The following STK32B variants were observed in gnomAD, a reference collection of about 807,000 sequenced individuals.
STK32B encodes serine/threonine-protein kinase 32B.
In STK32B, 43 loss-of-function variants were observed where a neutral mutation model predicts 52.6. The ratio of observed to expected loss-of-function variants is 0.82; its 90% CI spans 0.64 to 1.05. The LOEUF is 1.05. Ranked by LOEUF, STK32B falls within the 50% of genes least tolerant of loss-of-function variation. STK32B has a pLI of 0.00. For missense variants in STK32B, 621 were observed against 534.6 expected (o/e 1.16, Z -1.59); for synonymous variants, 238 against 204.3 (o/e 1.17, Z -1.41).
At chr4:5,417,834 T>A (rs1445112178) in intron 6 of STK32B, among the ~76,000 whole-genome samples, 1 of 152,226 alleles carries the variant, frequency 6.6e-6, no homozygotes, top group Non-Finnish European at 1.5e-5. Context: ...TTCCTCAGGT[T>A]TGGCTGGGCT....
At chr4:5,177,388 C>G (rs535589469) in intron 3 of STK32B, among the ~76,000 whole-genome samples, 1 of 152,258 alleles carries the variant, frequency 6.6e-6, no homozygotes, top group African/African-American at 2.4e-5. Flanking sequence ...TAATTGCCTC[C>G]CACTAGGTCC....
At chr4:5,361,501 A>G (rs1365228221) in intron 4 of STK32B, among the ~76,000 whole-genome samples, 1 of 152,178 alleles carries the variant, frequency 6.6e-6, no homozygotes, top group Non-Finnish European at 1.5e-5. Flanking sequence ...CATCCCAAGT[A>G]TCTGCGACCA....
intron 3 of STK32B, among the ~76,000 whole-genome samples, chr4:5,218,429 A>G (rs1007919843): frequency 6.6e-6 from 1 of 152,208 alleles, no homozygotes; most frequent in Non-Finnish European, 1.5e-5. Flanking sequence ...ATACATTGCA[A>G]TATATTTCAG....
chr4:5,461,607 C>A (rs1173138946), intron 9 of STK32B, among the ~76,000 whole-genome samples: 2 of 152,234 alleles, frequency 1.3e-5, no homozygotes, highest in Non-Finnish European at 1.5e-5. Flanking sequence ...CCGTCCTCTC[C>A]CTGTGAGCAG....
chr4:5,309,223 C>T (rs28829962), intron 3 of STK32B, among the ~76,000 whole-genome samples: 51 of 151,706 alleles, frequency 3.4e-4, no homozygotes, highest in African/African-American at 1.1e-3. Context: ...TATAAAACAG[C>T]GATGAAAGAA....
In STK32B at chr4:5,399,333, A is replaced by T. The variant is rs1488313484; in HGVS notation, c.472+1089A>T. Among the ~76,000 whole-genome samples the T allele has an allele frequency of 6.6e-6, 1 of 152,098 alleles. No individual in the cohort carries two copies. Among genetic ancestry groups the T allele is most frequent in the Non-Finnish European group, 1.5e-5 (1 of 68,020 alleles). Reference sequence around the variant, plus strand: ...TTCCCCACCTCTGCAGGCTGAGGTCATGGTTCTATCTCAGAGCTCCTCTCG... The same window carrying T: ...TTCCCCACCTCTGCAGGCTGAGGTCTTGGTTCTATCTCAGAGCTCCTCTCG... On this transcript the variant is annotated intron_variant, in intron 5 of 11. Transcript: ENST00000282908. This position sits in a 1 kb window ranked among gnomAD's most constrained non-coding sequence, Gnocchi z 5.4.
chr4:5,031,505 G>A, the STK32B span, among the ~76,000 whole-genome samples: 9 of 152,060 alleles, frequency 5.9e-5, no homozygotes, highest in South Asian at 2.1e-4. Context: ...AGGCTGAGGC[G>A]GGAGGATCAC....
intron 3 of STK32B, among the ~76,000 whole-genome samples, chr4:5,218,901 A>G (rs1723347437): frequency 6.6e-6 from 1 of 152,150 alleles, no homozygotes; most frequent in Non-Finnish European, 1.5e-5. Context: ...TTTGACTGCC[A>G]GGCCCCTACT....
intron 1 of STK32B, among the ~76,000 whole-genome samples, chr4:5,093,570 G>C (rs1431914460): frequency 2.0e-5 from 3 of 152,142 alleles, no homozygotes; most frequent in African/African-American, 2.4e-5. Context: ...TGTGAGGTGG[G>C]GGAAGGGGGG....
chr4:5,068,226 A>G (rs1330834928), intron 1 of STK32B, among the ~76,000 whole-genome samples: 1 of 152,150 alleles, frequency 6.6e-6, no homozygotes, highest in Non-Finnish European at 1.5e-5. Context: ...TGCACCAGTC[A>G]CTGAGGTAGC....
At chr4:5,180,595 G>A (rs1386827727) in intron 3 of STK32B, among the ~76,000 whole-genome samples, 1 of 152,054 alleles carries the variant, frequency 6.6e-6, no homozygotes, top group African/African-American at 2.4e-5. Context: ...CTTCTCTTTG[G>A]TGGCCTCTCT....
chr4:5,089,270 A>G (rs1194518184), intron 1 of STK32B, among the ~76,000 whole-genome samples: 2 of 151,354 alleles, frequency 1.3e-5, no homozygotes, highest in Non-Finnish European at 2.9e-5. Context: ...CAGGTTTGTC[A>G]CATACGTATA....
At chr4:5,020,608 A>G in the STK32B span, among the ~76,000 whole-genome samples, 2 of 152,180 alleles carry the variant, frequency 1.3e-5, no homozygotes, top group African/African-American at 4.8e-5. Context: ...ATGAGACTTC[A>G]GGCCCTGTCC....
At position 5,224,500 on chromosome 4, in the gene STK32B, A is replaced by G. The variant is rs533460364; in HGVS notation, c.260+56050A>G. Among the ~76,000 whole-genome samples the G allele has an allele frequency of 2.0e-5, 3 of 152,324 alleles. No homozygotes were observed. The East Asian group carries it at 5.8e-4, about 29-fold the overall frequency. On this transcript the variant is annotated intron_variant, in intron 3 of 11. Coordinates refer to ENST00000282908, the MANE Select transcript of STK32B (RefSeq NM_018401.3). The stretch of plus-strand genomic sequence containing the variant: ...TCAAGGATCCTCTGAGAAGTGACTC[A>G]CTGTCCCCAAGCTCCCCCTTGGGAT...
At chr4:5,141,709 A>G (rs1193232960) in intron 2 of STK32B, among the ~76,000 whole-genome samples, 1 of 152,102 alleles carries the variant, frequency 6.6e-6, no homozygotes, top group Non-Finnish European at 1.5e-5. Flanking sequence ...GATTTTGGAT[A>G]TATTTTGAAA....
At chr4:5,289,433 C>T (rs1375124141) in intron 3 of STK32B, among the ~76,000 whole-genome samples, 2 of 152,134 alleles carry the variant, frequency 1.3e-5, no homozygotes, top group East Asian at 3.9e-4. Flanking sequence ...ACTTAGGCTA[C>T]ACTAAATTTA....
intron 6 of STK32B, among the ~76,000 whole-genome samples, chr4:5,425,674 A>T (rs1376770990): frequency 6.6e-6 from 1 of 152,228 alleles, no homozygotes. Flanking sequence ...ATTTTCATGC[A>T]GTAAAATGTA....
At chr4:5,445,423 A>T (rs1341576746) in intron 6 of STK32B, among the ~76,000 whole-genome samples, 1 of 152,124 alleles carries the variant, frequency 6.6e-6, no homozygotes, top group Non-Finnish European at 1.5e-5. Flanking sequence ...CCTGCAAATT[A>T]ATTTACTAGA....
intron 3 of STK32B, among the ~76,000 whole-genome samples, chr4:5,174,774 T>C (rs996852893): frequency 9.8e-4 from 149 of 152,272 alleles, no homozygotes; most frequent in Admixed American, 3.4e-3. Flanking sequence ...CTGACAATTA[T>C]GTATCTTGGA....
Sources: gnomAD v4.1 joint callset for allele counts (sites outside exome capture counted in the v4.1 genomes callset) on GRCh38, gnomAD v4.1.1 for gene constraint, Gnocchi (gnomAD v3.1) non-coding constraint, MANE v1.5 for transcripts, NCBI Gene and HGNC (gene_info 2026-07-23, HGNC 2026-07-21) for gene names.